The following IPO11 variants were observed in gnomAD, a reference collection of about 807,000 sequenced individuals.
IPO11 encodes importin 11, also known as importin-11.
A neutral mutation model predicts 143.2 loss-of-function variants in IPO11; 66 were observed. The observed-to-expected ratio is 0.46, with a 90% CI of 0.38 to 0.57. The LOEUF (loss-of-function observed/expected upper bound fraction) is 0.57. Among genes scored for constraint, IPO11 ranks in the 20% least tolerant of loss-of-function variants. The pLI is 0.00. For synonymous variants in IPO11, 385 were observed against 377.8 expected (o/e 1.02, Z -0.22); for missense variants, 1,026 against 1,141.0 (o/e 0.90, Z 1.45).
chr5:62,547,921 G>A (rs1184029967), intron 24 of IPO11, among the ~76,000 whole-genome samples: 1 of 151,926 alleles, frequency 6.6e-6, no homozygotes, highest in African/African-American at 2.4e-5. Context: ...GAAAAAAACT[G>A]TAGACACCTG....
rs1393430680 is a variant in IPO11 at position 62,437,403 on chromosome 5, T to C, written c.124T>C (p.Tyr42His). Residue 42 changes from tyrosine to histidine, a missense_variant, in exon 2 of 30, where the codon TAT (tyrosine) becomes CAT (histidine). This residue lies in a region of IPO11 where 429 missense variants were observed against 456.3 expected (regional missense o/e 0.94). Coordinates refer to ENST00000325324, the MANE Select transcript of IPO11 (RefSeq NM_016338.5). ...LKQWETQPGF[Y>H]SVLLNIFTNH... ...GCAGTGGGAGACACAGCCAGGTTTC[T>C]ATTCAGTGTTGCTGGTAAGTTGTTC... The C allele has an allele frequency of 6.2e-7, 1 of 1,608,026 alleles. No homozygotes were observed. Among genetic ancestry groups the C allele is most frequent in the East Asian group, 2.2e-5 (1 of 44,704 alleles).
At chr5:62,559,662 A>G (rs557389902) in intron 26 of IPO11, among the ~76,000 whole-genome samples, 1 of 152,078 alleles carries the variant, frequency 6.6e-6, no homozygotes, top group South Asian at 2.1e-4. Flanking sequence ...CACGCCTGTA[A>G]TCCCAGCACT....
intron 12 of IPO11, 36 bp from the exon 13 acceptor site, chr5:62,487,735 T>G: frequency 6.6e-7 from 1 of 1,520,286 alleles, no homozygotes. Flanking sequence ...AGTATGCAAC[T>G]GTTTTGATGA....
intron 27 of IPO11, among the ~76,000 whole-genome samples, chr5:62,578,155 C>T (rs1214239294): frequency 6.6e-6 from 1 of 152,084 alleles, no homozygotes. Flanking sequence ...TATGCAGCTT[C>T]TTAACATCTT....
chr5:62,454,871 G>A (rs1745070873), intron 5 of IPO11, among the ~76,000 whole-genome samples: 1 of 152,186 alleles, frequency 6.6e-6, no homozygotes. Context: ...TTAGATGCCT[G>A]CTGGATTTCA....
At chr5:62,613,606 A>G (rs566317955) in intron 29 of IPO11, among the ~76,000 whole-genome samples, 2 of 152,188 alleles carry the variant, frequency 1.3e-5, no homozygotes, top group African/African-American at 2.4e-5. Flanking sequence ...CCTGGCACAC[A>G]TGCTCTTCTT....
At chr5:62,522,395 C>G (rs1283509671) in intron 20 of IPO11, among the ~76,000 whole-genome samples, 1 of 152,050 alleles carries the variant, frequency 6.6e-6, no homozygotes, top group Admixed American at 6.5e-5. Flanking sequence ...AGTGATCCTC[C>G]TGCCTCAGCC....
chr5:62,551,511 G>A (rs1210874630), intron 26 of IPO11, among the ~76,000 whole-genome samples, 175 bp downstream of exon 26: 2 of 152,112 alleles, frequency 1.3e-5, no homozygotes, highest in African/African-American at 2.4e-5. Flanking sequence ...TCTGTAAGTG[G>A]CACTTGAAAC....
chr5:62,541,047 A>G (rs977179729), intron 24 of IPO11, among the ~76,000 whole-genome samples: 2 of 152,216 alleles, frequency 1.3e-5, no homozygotes, highest in African/African-American at 2.4e-5. Context: ...AGAACTGCAT[A>G]TTTCAGCTGG....
chr5:62,624,339 C>T (rs1293771009), intron 29 of IPO11, among the ~76,000 whole-genome samples: 1 of 152,166 alleles, frequency 6.6e-6, no homozygotes, highest in East Asian at 1.9e-4. Flanking sequence ...CAGCCAGTTC[C>T]TCCCCTTTTT....
At chr5:62,559,607 T>TTTTTC (rs1743698602) in intron 26 of IPO11, among the ~76,000 whole-genome samples, 1 of 152,126 alleles carries the variant, frequency 6.6e-6, no homozygotes, top group African/African-American at 2.4e-5. Flanking sequence ...TGTTTTTTTT[T>TTTTTC]CCTCATCCAT....
At chr5:62,571,011 T>C (rs560366028) in intron 27 of IPO11, among the ~76,000 whole-genome samples, 11 of 152,328 alleles carry the variant, frequency 7.2e-5, no homozygotes, top group African/African-American at 2.6e-4. Flanking sequence ...ATACACAGAA[T>C]AACTAGCTCC....
At chr5:62,606,741 G>C (rs1745733992) in intron 29 of IPO11, among the ~76,000 whole-genome samples, 1 of 152,186 alleles carries the variant, frequency 6.6e-6, no homozygotes, top group Non-Finnish European at 1.5e-5. Context: ...ATTATCATTT[G>C]AATGTGTTTT....
At chr5:62,527,689 A>G (rs1742412231) in intron 21 of IPO11, among the ~76,000 whole-genome samples, 1 of 152,200 alleles carries the variant, frequency 6.6e-6, no homozygotes, top group African/African-American at 2.4e-5. Context: ...ATAAAAATGC[A>G]CGGCTTTGTT....
chr5:62,601,778 C>T lies in IPO11; in HGVS notation c.2693C>T (p.Ser898Phe), dbSNP rs1489728575. Residue 898 changes from serine to phenylalanine, a missense_variant, in exon 29 of 30, where the codon TCT becomes TTT. Transcript: ENST00000325324. ...TGTYKDCMLM[S>F]HLEEPKVTED... Reference sequence around the variant, plus strand: ...AATTATTATAGCTGTATGTTGATGTCTCATCTTGAGGAACCAAAAGTAACA... The same window carrying T: ...AATTATTATAGCTGTATGTTGATGTTTCATCTTGAGGAACCAAAAGTAACA... 1 of 1,579,998 alleles carries T rather than the reference C, an allele frequency of 6.3e-7. No homozygotes were observed. The highest frequency in any genetic ancestry group is 2.3e-5 in the East Asian group (1 of 43,896).
At chr5:62,521,485 C>G (rs1742198547) in intron 20 of IPO11, among the ~76,000 whole-genome samples, 1 of 152,064 alleles carries the variant, frequency 6.6e-6, no homozygotes, top group Admixed American at 6.5e-5. Context: ...CTTCCCTTTT[C>G]TGGCAACTTG....
At chr5:62,448,626 C>T (rs1744800908) in intron 3 of IPO11, among the ~76,000 whole-genome samples, 1 of 152,208 alleles carries the variant, frequency 6.6e-6, no homozygotes, top group African/African-American at 2.4e-5. Context: ...TCATAACTCA[C>T]TGCAGCCTCG....
Position 62,451,821 on chromosome 5 carries a change from C to T in IPO11, c.404C>T (p.Ser135Phe). 1 of 1,613,872 alleles carries T rather than the reference C, an allele frequency of 6.2e-7. No homozygotes were observed. Among genetic ancestry groups the T allele is most frequent in the South Asian group, 1.1e-5 (1 of 91,074 alleles). The change falls in exon 5 of 30, where the codon TCT becomes TTT. Residue 135 changes from serine to phenylalanine, a missense_variant. Around this residue, in one of 5 missense-constraint regions of IPO11, gnomAD observed 429 missense variants for 456.3 expected, o/e 0.94. Transcript: ENST00000325324. ...GAACTAATTCCCACTCTTATAGAGT[C>T]TGTTAAAGTCCAGGATGATCTTCGA... ...WPELIPTLIESVKVQDDLRQH... is the reference protein window; with the variant it reads ...WPELIPTLIEFVKVQDDLRQH...
chr5:62,528,181 T>G (rs1742427259), intron 21 of IPO11, among the ~76,000 whole-genome samples: 1 of 152,210 alleles, frequency 6.6e-6, no homozygotes, highest in Non-Finnish European at 1.5e-5. Flanking sequence ...GAAGAGCTGT[T>G]TACTTATATA....
Sources: allele counts gnomAD v4.1 joint callset (sites outside exome capture counted in the v4.1 genomes callset), GRCh38; gene constraint gnomAD v4.1.1; regional missense constraint gnomAD v4.1.1; transcripts MANE v1.5; gene names NCBI Gene and HGNC (gene_info 2026-07-23, HGNC 2026-07-21).